RGS5: variants seen among roughly 807,000 people sequenced by gnomAD.
RGS5 encodes the protein regulator of G protein signaling 5.
Under a neutral mutation model 18.9 loss-of-function variants are expected in RGS5, and 20 were observed. The observed-to-expected ratio is 1.06, with a 90% CI of 0.74 to 1.54. The LOEUF is 1.54. Among genes scored for constraint, RGS5 ranks in the 40% most tolerant of loss-of-function variants. The pLI, the probability that RGS5 is intolerant of heterozygous loss-of-function variation, is 0.00. For missense variants in RGS5, 201 were observed against 211.8 expected (o/e 0.95, Z 0.32); for synonymous variants, 57 against 76.2 (o/e 0.75, Z 1.31).
chr1:163,214,574 A>T (rs947428815), intron 1 of RGS5, among the ~76,000 whole-genome samples: 1 of 152,000 alleles, frequency 6.6e-6, no homozygotes, highest in African/African-American at 2.4e-5. Context: ...ACCATGCTTC[A>T]GTCTCTCTTC....
At chr1:163,306,571 G>T (rs544835630) in intron 1 of RGS5, among the ~76,000 whole-genome samples, 10 of 152,148 alleles carry the variant, frequency 6.6e-5, no homozygotes, top group Non-Finnish European at 1.5e-4. Flanking sequence ...GTTGAATTGT[G>T]TCCTCTAAAA....
intron 2 of RGS5, among the ~76,000 whole-genome samples, chr1:163,230,976 C>T (rs961507728): frequency 8.5e-5 from 13 of 152,142 alleles, no homozygotes; most frequent in Admixed American, 1.3e-4. Flanking sequence ...GATGGCAACA[C>T]TAGACTTTAA....
At chr1:163,209,445 A>T (rs191764889) in intron 1 of RGS5, among the ~76,000 whole-genome samples, 3 of 152,280 alleles carry the variant, frequency 2.0e-5, no homozygotes, top group African/African-American at 7.2e-5. Context: ...GATTGTGTTA[A>T]ATTTATAAAT....
At chr1:163,223,786 T>A (rs1427134315) in intron 2 of RGS5, among the ~76,000 whole-genome samples, 2 of 152,178 alleles carry the variant, frequency 1.3e-5, no homozygotes, top group Non-Finnish European at 2.9e-5. Flanking sequence ...ACCTTGCAAT[T>A]ATCTTAGCGT....
intron 2 of RGS5, among the ~76,000 whole-genome samples, chr1:163,285,293 G>C (rs902051215): frequency 4.6e-5 from 7 of 152,158 alleles, no homozygotes; most frequent in African/African-American, 1.7e-4. Context: ...AGTGGCTCAT[G>C]CCTGTAATCC....
intron 1 of RGS5, among the ~76,000 whole-genome samples, chr1:163,187,330 A>G (rs1041654037): frequency 1.3e-5 from 2 of 152,202 alleles, no homozygotes; most frequent in East Asian, 1.9e-4. Flanking sequence ...ATGGCCCCCT[A>G]GTCACATATA....
At chr1:163,274,338 G>GCGC (rs1648797618) in intron 2 of RGS5, among the ~76,000 whole-genome samples, 10 of 123,250 alleles carry the variant, frequency 8.1e-5, no homozygotes, top group Admixed American at 3.8e-4. Context: ...TAAAACTCTT[G>GCGC]AGCAATAAGA....
chr1:163,194,517 G>A (rs116397198), intron 1 of RGS5, among the ~76,000 whole-genome samples: 192 of 152,206 alleles, frequency 1.3e-3, no homozygotes, highest in African/African-American at 4.6e-3. Flanking sequence ...TACTTGGAGA[G>A]GGGAACTGGC....
chr1:163,143,940 G>A lies in RGS5; in HGVS notation c.*3402C>T, dbSNP rs375955936. On this transcript the variant is annotated 3_prime_UTR_variant, in exon 5 of 5. Transcript: ENST00000313961. ...TTAACAGCTCCATCCTATTGAAATG[G>A]CTTGTGTACAGAGCACACATCAACC... 2.3e-4 allele frequency: 35 copies of A among 152,076 alleles called. 1 individual carries two copies. Among genetic ancestry groups the A allele is most frequent in the African/African-American group, 8.4e-4 (35 of 41,484 alleles). The allele number at this position is 152,076 out of a possible 1,614,324, so 9.4% of individuals were successfully genotyped here.
intron 1 of RGS5, among the ~76,000 whole-genome samples, chr1:163,199,245 T>C (rs1421623687): frequency 6.6e-6 from 1 of 152,176 alleles, no homozygotes; most frequent in Non-Finnish European, 1.5e-5. Flanking sequence ...GGTTATTCAT[T>C]GCCCAAATGT....
At chr1:163,263,388 T>C (rs1210760755) in intron 2 of RGS5, among the ~76,000 whole-genome samples, 5 of 152,208 alleles carry the variant, frequency 3.3e-5, no homozygotes, top group Non-Finnish European at 7.3e-5. Context: ...TTTTGAGTAT[T>C]TGAATCTCCC....
At chr1:163,253,681 G>C (rs555702621) in intron 2 of RGS5, among the ~76,000 whole-genome samples, 1 of 150,750 alleles carries the variant, frequency 6.6e-6, no homozygotes, top group Non-Finnish European at 1.5e-5. Flanking sequence ...TTAAGTTTTA[G>C]GGTACATGTG....
chr1:163,317,886 T>C (rs551044705), intron 1 of RGS5, among the ~76,000 whole-genome samples: 4 of 152,178 alleles, frequency 2.6e-5, no homozygotes, highest in Middle Eastern at 3.4e-3. Flanking sequence ...ATGTAAACTC[T>C]GTCAGGAAAT....
At position 163,196,952 on chromosome 1, in the gene RGS5, C is replaced by T. The variant is rs370722703; in HGVS notation, c.44+5840G>A. Among the ~76,000 whole-genome samples, 3 of 152,144 alleles carry T rather than the reference C, an allele frequency of 2.0e-5. No individual in the cohort carries two copies. The South Asian group carries it at 6.2e-4, about 31-fold the overall frequency. On this transcript the variant is annotated intron_variant, in intron 1 of 4. Coordinates refer to ENST00000313961, the MANE Select transcript of RGS5 (RefSeq NM_003617.4). ...CTGTAACTTCATTCATGTATTCCTTCAACAAAATGTTTATTTGGTGTCTAC... is the reference window on the plus strand; with the variant it reads ...CTGTAACTTCATTCATGTATTCCTTTAACAAAATGTTTATTTGGTGTCTAC...
In RGS5 at chr1:163,187,695, C is replaced by G. The variant is rs142856867; in HGVS notation, c.44+15097G>C. Among the ~76,000 whole-genome samples, 910 of 152,298 alleles carry G rather than the reference C, an allele frequency of 6.0e-3. 2 individuals are homozygous for G. The highest frequency in any genetic ancestry group is 8.9e-3 in the Non-Finnish European group (605 of 68,020). On this transcript the variant is annotated intron_variant, in intron 1 of 4. Coordinates refer to ENST00000313961, the MANE Select transcript of RGS5 (RefSeq NM_003617.4). The stretch of plus-strand genomic sequence containing the variant: ...CATAGGAACTCCGCACCCCCTCCCC[C>G]ATGCCTCACCCTAGTGTCTCTTCCT...
At chr1:163,310,409 C>T (rs1437221540) in intron 1 of RGS5, among the ~76,000 whole-genome samples, 1 of 149,168 alleles carries the variant, frequency 6.7e-6, no homozygotes, top group Non-Finnish European at 1.5e-5. Flanking sequence ...CCCATCTCTA[C>T]TAAAAAATAC....
intron 2 of RGS5, among the ~76,000 whole-genome samples, chr1:163,265,656 T>C (rs911379655): frequency 6.6e-6 from 1 of 152,142 alleles, no homozygotes; most frequent in African/African-American, 2.4e-5. Context: ...AACCTCTCAA[T>C]CACTCTTCAG....
intron 1 of RGS5, among the ~76,000 whole-genome samples, chr1:163,170,987 T>C (rs1158145917): frequency 6.6e-6 from 1 of 152,218 alleles, no homozygotes; most frequent in East Asian, 1.9e-4. Flanking sequence ...TGATTAAATA[T>C]ACTAATGCAT....
chr1:163,218,114 T>C (rs1660257390), upstream of RGS5, among the ~76,000 whole-genome samples: 1 of 152,152 alleles, frequency 6.6e-6, no homozygotes, highest in Non-Finnish European at 1.5e-5. Context: ...AATTTGGAGC[T>C]ATGCAGGTTT....
Sources: gnomAD v4.1 joint callset for allele counts (sites outside exome capture counted in the v4.1 genomes callset) on GRCh38, gnomAD v4.1.1 for gene constraint, MANE v1.5 for transcripts, NCBI Gene and HGNC (gene_info 2026-07-23, HGNC 2026-07-21) for gene names.